Variants in CACNG6 observed in about 807,000 individuals in gnomAD.
CACNG6 encodes calcium voltage-gated channel auxiliary subunit gamma 6.
Under a neutral mutation model 23.9 loss-of-function variants are expected in CACNG6, and 21 were observed. The observed-to-expected ratio is 0.88, with a 90% CI of 0.62 to 1.26. CACNG6 has a LOEUF of 1.26. Ranked by LOEUF, CACNG6 falls within the 50% of genes most tolerant of loss-of-function variation. CACNG6 has a pLI of 0.00. For missense variants in CACNG6, 340 were observed against 352.9 expected (o/e 0.96, Z 0.29); for synonymous variants, 182 against 168.9 (o/e 1.08, Z -0.60).
intron 2 of CACNG6, among the ~76,000 whole-genome samples, chr19:53,998,651 A>G (rs2069546322): frequency 1.3e-5 from 2 of 151,588 alleles, no homozygotes; most frequent in South Asian, 4.2e-4. Flanking sequence ...AGCTGAGACT[A>G]TAGGCGCCCA....
chr19:53,994,787 G>A (rs2145953155), intron 1 of CACNG6, among the ~76,000 whole-genome samples: 1 of 152,152 alleles, frequency 6.6e-6, no homozygotes, highest in East Asian at 1.9e-4. Context: ...GGGATGCCAG[G>A]CCCCCCGGCT....
At chr19:53,996,090 A>G (rs915163957) in intron 1 of CACNG6, among the ~76,000 whole-genome samples, 5 of 152,158 alleles carry the variant, frequency 3.3e-5, no homozygotes, top group Non-Finnish European at 5.9e-5. Flanking sequence ...CACCTGACTC[A>G]GGGATTGATT....
At chr19:54,011,203 A>T (rs866222486) in intron 3 of CACNG6, among the ~76,000 whole-genome samples, 74 of 100,656 alleles carry the variant, frequency 7.4e-4, no homozygotes, top group African/African-American at 3.0e-3. Context: ...AAAAAAAAAA[A>T]AAATATATAT....
chr19:54,004,975 G>A (rs1186550960), intron 3 of CACNG6, among the ~76,000 whole-genome samples: 1 of 144,454 alleles, frequency 6.9e-6, no homozygotes, highest in African/African-American at 2.9e-5. Context: ...ACTTTGGGAG[G>A]CCGAGGCAGG....
chr19:53,995,702 C>T (rs1443697170), intron 1 of CACNG6, among the ~76,000 whole-genome samples: 1 of 152,244 alleles, frequency 6.6e-6, no homozygotes, highest in African/African-American at 2.4e-5. Flanking sequence ...GCTCTTGTTG[C>T]CCCGGCTGGA....
chr19:53,991,763 G>T lies in CACNG6; in HGVS notation c.-1115G>T, dbSNP rs1401803948. On this transcript the variant is annotated 5_prime_UTR_variant, in exon 1 of 4. Transcript: ENST00000252729. ...GGAGTCGGGGGTGGGAGCCCCGAGG[G>T]GGGGCCCTGGCCTGGGGCTGAGCCT... Among the ~76,000 whole-genome samples, 1 of 152,228 alleles carries T rather than the reference G, an allele frequency of 6.6e-6. No individual in the cohort carries two copies. Among genetic ancestry groups the T allele is most frequent in the Non-Finnish European group, 1.5e-5 (1 of 67,980 alleles).
intron 3 of CACNG6, among the ~76,000 whole-genome samples, chr19:54,001,078 T>G (rs2069570422): frequency 6.6e-6 from 1 of 152,226 alleles, no homozygotes; most frequent in African/African-American, 2.4e-5. Flanking sequence ...AACCTCTGCC[T>G]CTAGGTTCCA....
At chr19:53,993,879 C>CT (rs2069494831) in intron 1 of CACNG6, among the ~76,000 whole-genome samples, 1 of 151,934 alleles carries the variant, frequency 6.6e-6, no homozygotes, top group African/African-American at 2.4e-5. Context: ...TCGCTGTGTC[C>CT]CCCCAGACCA....
intron 3 of CACNG6, among the ~76,000 whole-genome samples, chr19:54,005,210 AAAATAAAT>A (rs369829612): frequency 0.019 from 2,545 of 132,810 alleles, 77 homozygotes; most frequent in African/African-American, 0.061. Flanking sequence ...CTCCATCTCA[AAAATAAAT>A]AAATAAATAA....
At position 53,992,087 on chromosome 19, in the gene CACNG6, A is replaced by G. The variant is rs2145950008; in HGVS notation, c.-791A>G. On this transcript the variant is annotated 5_prime_UTR_variant, in exon 1 of 4. The change abolishes an upstream ATG in the 5' untranslated region. Coordinates refer to ENST00000252729, the MANE Select transcript of CACNG6 (RefSeq NM_145814.2). The surrounding 1 kb of genome is among the most constrained non-coding windows in gnomAD (Gnocchi z 4.1). ...AGTAGAGACCTCGGATCTTTTCTGA[A>G]TGGCAGGGGAGACCCCTATCCCCTT... Among the ~76,000 whole-genome samples, 1 of 152,242 alleles carries G rather than the reference A, an allele frequency of 6.6e-6. No individual in the cohort carries two copies. The highest frequency in any genetic ancestry group is 1.5e-5 in the Non-Finnish European group (1 of 67,992).
At chr19:54,005,287 G>A (rs920627290) in intron 3 of CACNG6, among the ~76,000 whole-genome samples, 1 of 150,924 alleles carries the variant, frequency 6.6e-6, no homozygotes, top group Non-Finnish European at 1.5e-5. Context: ...GAAACTGGGC[G>A]CGGTGGCTCA....
chr19:53,991,370 G>A (rs1348119882), upstream of CACNG6, among the ~76,000 whole-genome samples: 3 of 151,906 alleles, frequency 2.0e-5, no homozygotes, highest in African/African-American at 7.3e-5. Context: ...GTCTCCTGCT[G>A]CCCGGGAGAC....
chr19:54,000,683 A>C (rs536423621), intron 3 of CACNG6, among the ~76,000 whole-genome samples: 1 of 151,960 alleles, frequency 6.6e-6, no homozygotes, highest in East Asian at 1.9e-4. Context: ...GGTTCAAGTG[A>C]TTCTTCTGCC....
At chr19:54,010,551 C>T (rs8110244) in intron 3 of CACNG6, among the ~76,000 whole-genome samples, 7,025 of 151,914 alleles carry the variant, frequency 0.046, 482 homozygotes, top group African/African-American at 0.15. Flanking sequence ...TTAACCATTT[C>T]CCCTTTTTAT....
At chr19:53,997,671 G>A (rs1269575388) in intron 1 of CACNG6, among the ~76,000 whole-genome samples, 1 of 152,104 alleles carries the variant, frequency 6.6e-6, no homozygotes, top group East Asian at 1.9e-4. Context: ...CTGGTGAAGT[G>A]GGGCATCTCT....
At chr19:54,006,490 C>T (rs979424854) in intron 3 of CACNG6, among the ~76,000 whole-genome samples, 1 of 150,144 alleles carries the variant, frequency 6.7e-6, no homozygotes, top group Non-Finnish European at 1.5e-5. Context: ...TCCCTCTGTA[C>T]TGGTCTGTGT....
intron 3 of CACNG6, 128 bp from the exon 4 acceptor site, chr19:54,011,819 TAGTA>T (rs1437544373): frequency 1.1e-5 from 5 of 441,632 alleles, no homozygotes; most frequent in African/African-American, 6.6e-5. Context: ...AGTAGGTGTT[TAGTA>T]AGTATTTGTT....
intron 1 of CACNG6, 27 bp downstream of exon 1, chr19:53,993,235 G>A: frequency 1.3e-6 from 2 of 1,521,506 alleles, no homozygotes; most frequent in Non-Finnish European, 1.8e-6. Context: ...CCGAGCGCAG[G>A]GCTTGCGTCC....
chr19:54,003,759 G>C (rs192969314), intron 3 of CACNG6, among the ~76,000 whole-genome samples: 1 of 152,120 alleles, frequency 6.6e-6, no homozygotes, highest in African/African-American at 2.4e-5. Flanking sequence ...ATATTTCCCC[G>C]AGGTAATTTC....
Sources: gnomAD v4.1 joint callset for allele counts (sites outside exome capture counted in the v4.1 genomes callset) on GRCh38, gnomAD v4.1.1 for gene constraint, Gnocchi (gnomAD v3.1) non-coding constraint, MANE v1.5 for transcripts, NCBI Gene and HGNC (gene_info 2026-07-23, HGNC 2026-07-21) for gene names.